Variants in CPED1 observed in about 807,000 individuals in gnomAD.
CPED1 encodes cadherin-like and PC-esterase domain-containing protein 1.
CPED1 carries 114 observed loss-of-function variants against 128.2 expected under a neutral mutation model. The ratio of observed to expected loss-of-function variants is 0.89; its 90% CI spans 0.76 to 1.04. CPED1 has a LOEUF of 1.04. Among genes scored for constraint, CPED1 ranks in the 50% least tolerant of loss-of-function variants. The pLI, the probability that CPED1 is intolerant of heterozygous loss-of-function variation, is 0.00. For missense variants in CPED1, 1,211 were observed against 1,207.1 expected, an observed-to-expected ratio of 1.00 and a Z score of -0.05; for synonymous variants, 462 against 426.7, an observed-to-expected ratio of 1.08 and a Z score of -1.02.
intron 22 of CPED1, among the ~76,000 whole-genome samples, chr7:121,285,099 G>A (rs766603968): frequency 6.6e-6 from 1 of 152,186 alleles, no homozygotes; most frequent in Non-Finnish European, 1.5e-5. Context: ...CTAGTCTTCT[G>A]TACACCCGCA....
chr7:121,008,733 T>G (rs1376704005), intron 2 of CPED1, among the ~76,000 whole-genome samples: 1 of 152,184 alleles, frequency 6.6e-6, no homozygotes, highest in African/African-American at 2.4e-5. Context: ...GTGATTTCAT[T>G]AATGGTTTAT....
rs762352412 is a variant in CPED1, at chr7:121,266,223, A to G, written c.2311-4A>G. 5.6e-6 allele frequency: 9 copies of G among 1,602,058 alleles called. No homozygotes were observed. In the South Asian group the frequency reaches 7.7e-5, roughly 14 times the overall value. ...TAAACAAATGCTTTCTCTTTAACTT[A>G]TAGATTCTGTTCATTGGAGATTCAA... On this transcript the variant is annotated splice_polypyrimidine_tract_variant and splice_region_variant and intron_variant, in intron 18 of 22. Transcript: ENST00000310396.
chr7:121,283,093 A>G (rs1334702848), intron 22 of CPED1, among the ~76,000 whole-genome samples: 10 of 152,236 alleles, frequency 6.6e-5, no homozygotes, highest in Admixed American at 5.9e-4. Context: ...CCTTTCTTCT[A>G]CATAGAGACT....
intron 5 of CPED1, among the ~76,000 whole-genome samples, chr7:121,074,266 A>G (rs1794063730): frequency 6.6e-6 from 1 of 152,128 alleles, no homozygotes; most frequent in African/African-American, 2.4e-5. Context: ...TCCTGACTTC[A>G]GGAACAAAGC....
intron 5 of CPED1, among the ~76,000 whole-genome samples, chr7:121,086,822 C>T (rs1248557664): frequency 6.6e-6 from 1 of 152,200 alleles, no homozygotes; most frequent in African/African-American, 2.4e-5. Flanking sequence ...CACTCCAGAT[C>T]CATGAAATTG....
rs1563060917 is a variant in CPED1, at chr7:121,194,039, TATATATA to T, written c.2056-42674_2056-42668del. ...CTCTCTCTCTATATATATATATATA[TATATATA>T]TATTTTTTTTTTTTTTTTTTGAGAC... On this transcript the variant is annotated intron_variant, in intron 16 of 22. Transcript: ENST00000310396. 1.6e-4 allele frequency among the ~76,000 whole-genome samples: 18 copies of T among 112,608 alleles called. 1 individual carries two copies. Among genetic ancestry groups the T allele is most frequent in the South Asian group, 9.1e-4 (3 of 3,290 alleles). The allele number at this position is 112,608 out of a possible 152,430, so 73.9% of individuals were successfully genotyped here. A position where few individuals can be genotyped will look rare whatever the true frequency, so the allele number is the denominator to read the frequency against.
At chr7:121,081,665 G>A (rs1233878096) in intron 5 of CPED1, among the ~76,000 whole-genome samples, 1 of 152,120 alleles carries the variant, frequency 6.6e-6, no homozygotes, top group Non-Finnish European at 1.5e-5. Context: ...CCAAAAGGAG[G>A]TACTCTGATT....
chr7:121,150,699 T>C (rs1796136895), intron 16 of CPED1, among the ~76,000 whole-genome samples: 1 of 152,090 alleles, frequency 6.6e-6, no homozygotes, highest in Non-Finnish European at 1.5e-5. Flanking sequence ...CTCTGCAGCC[T>C]CAGGTTGGGC....
At chr7:120,993,921 A>G (rs761939667) in intron 2 of CPED1, 14 of 298,912 alleles carry the variant, frequency 4.7e-5, no homozygotes, top group South Asian at 3.6e-4. Context: ...TTGGCTTCTC[A>G]GGGCAGCCAC....
chr7:121,245,779 C>CT (rs1337771621), intron 18 of CPED1, among the ~76,000 whole-genome samples: 2 of 151,628 alleles, frequency 1.3e-5, no homozygotes, highest in Non-Finnish European at 1.5e-5. Context: ...CAACCTCCAC[C>CT]TCCTAGGTTC....
Position 121,125,897 on chromosome 7 carries a change from G to A in CPED1, c.1134+5G>A, listed in dbSNP as rs1795491474. On this transcript the variant is annotated splice_donor_5th_base_variant and intron_variant, in intron 9 of 22. Transcript: ENST00000310396. ...ATGTACCCTGTAGTGCTCCAGGTCA[G>A]TATGCCAAAGGCCTCATGTGAGCTT... 8 of 1,592,458 alleles carry A rather than the reference G, an allele frequency of 5.0e-6. No individual in the cohort carries two copies. Among genetic ancestry groups the A allele is most frequent in the Admixed American group, 1.7e-5 (1 of 59,902 alleles).
At chr7:121,194,022 C>CTCTCTCTCTCTCTA (rs1484413430) in intron 16 of CPED1, among the ~76,000 whole-genome samples, 1 of 74,748 alleles carries the variant, frequency 1.3e-5, no homozygotes, top group African/African-American at 5.3e-5. Context: ...CTCTCTCTCT[C>CTCTCTCTCTCTCTA]TATATATATA....
At chr7:121,197,093 A>G (rs1797289217) in intron 16 of CPED1, among the ~76,000 whole-genome samples, 1 of 147,796 alleles carries the variant, frequency 6.8e-6, no homozygotes, top group African/African-American at 2.5e-5. Flanking sequence ...CTTTGTTTTT[A>G]CTTTAGTTAT....
intron 7 of CPED1, among the ~76,000 whole-genome samples, chr7:121,112,501 G>A (rs1204343270): frequency 6.6e-6 from 1 of 152,134 alleles, no homozygotes; most frequent in Admixed American, 6.6e-5. Flanking sequence ...GCGGAAAGAG[G>A]CAACGAATGA....
intron 16 of CPED1, among the ~76,000 whole-genome samples, chr7:121,231,702 G>T (rs1259606939): frequency 6.6e-6 from 1 of 151,838 alleles, no homozygotes; most frequent in African/African-American, 2.4e-5. Context: ...GATTGTTGAG[G>T]TATAGAAATG....
At chr7:121,260,297 T>C (rs552294555) in intron 18 of CPED1, among the ~76,000 whole-genome samples, 21 of 151,288 alleles carry the variant, frequency 1.4e-4, no homozygotes, top group Non-Finnish European at 2.4e-4. Context: ...AATCTTATAT[T>C]TGTTTTTGAC....
At chr7:121,219,046 A>G (rs990239304) in intron 16 of CPED1, among the ~76,000 whole-genome samples, 1 of 152,056 alleles carries the variant, frequency 6.6e-6, no homozygotes, top group Non-Finnish European at 1.5e-5. Flanking sequence ...AGAGAACCCA[A>G]AGTAGTAACA....
chr7:121,282,770 T>A (rs114524885), intron 22 of CPED1, among the ~76,000 whole-genome samples: 70 of 152,302 alleles, frequency 4.6e-4, no homozygotes, highest in African/African-American at 1.6e-3. Flanking sequence ...TGCCTGACCT[T>A]GGGGAGCTAG....
At chr7:121,098,771 T>TATATATAA (rs1794763692) in intron 6 of CPED1, among the ~76,000 whole-genome samples, 1 of 121,332 alleles carries the variant, frequency 8.2e-6, no homozygotes. Flanking sequence ...TATATAAATA[T>TATATATAA]ATATATATAA....
Sources: gnomAD v4.1 joint callset for allele counts (sites outside exome capture counted in the v4.1 genomes callset) on GRCh38, gnomAD v4.1.1 for gene constraint, MANE v1.5 for transcripts, NCBI Gene and HGNC (gene_info 2026-07-23, HGNC 2026-07-21) for gene names.